The following PRKN variants were observed in gnomAD, a reference collection of about 807,000 sequenced individuals.
PRKN encodes E3 ubiquitin-protein ligase parkin.
PRKN carries 56 observed loss-of-function variants against 59.5 expected under a neutral mutation model. The observed-to-expected ratio is 0.94, with a 90% CI of 0.76 to 1.18. The LOEUF (loss-of-function observed/expected upper bound fraction) is 1.18. PRKN is among the 50% of genes most tolerant of loss of function. The probability of loss-of-function intolerance (pLI) is 0.00; values close to 1 mark genes in which losing one functional copy is unlikely to be tolerated. For missense variants in PRKN, 657 were observed against 596.4 expected (o/e 1.10, Z -1.06); for synonymous variants, 250 against 222.1 (o/e 1.13, Z -1.12).
In PRKN at chr6:161,579,547, T is replaced by G. The variant is rs116452126; in HGVS notation, c.872-10131A>C. 5.4e-3 allele frequency among the ~76,000 whole-genome samples: 827 copies of G among 152,292 alleles called. 5 individuals are homozygous for G. Among genetic ancestry groups the G allele is most frequent in the African/African-American group, 0.019 (781 of 41,556 alleles). On this transcript the variant is annotated intron_variant, in intron 7 of 11. Coordinates refer to ENST00000366898, the MANE Select transcript of PRKN (RefSeq NM_004562.3). The surrounding 1 kb of genome is among the most constrained non-coding windows in gnomAD (Gnocchi z 4.2). ...GTGTGCTCTGTAAACTGGCCTTCCT[T>G]GTAGGGCATGTTCCTGAATAGGGCA...
chr6:161,603,214 G>T (rs1782166530), intron 7 of PRKN, among the ~76,000 whole-genome samples: 1 of 152,164 alleles, frequency 6.6e-6, no homozygotes, highest in South Asian at 2.1e-4. Context: ...TCAGACAGAG[G>T]TGGCTCTAAA....
intron 4 of PRKN, among the ~76,000 whole-genome samples, chr6:162,172,125 G>C (rs1275429895): frequency 6.6e-6 from 1 of 152,210 alleles, no homozygotes; most frequent in African/African-American, 2.4e-5. Flanking sequence ...GTAAGTGATA[G>C]AACTGAGTGC....
intron 7 of PRKN, among the ~76,000 whole-genome samples, chr6:161,573,025 T>C (rs1780950857): frequency 6.6e-6 from 1 of 152,180 alleles, no homozygotes; most frequent in Non-Finnish European, 1.5e-5. Flanking sequence ...TAGTTTAGTT[T>C]CCTGAAATGA....
At chr6:162,228,545 G>T (rs1778285722) in intron 3 of PRKN, among the ~76,000 whole-genome samples, 1 of 152,054 alleles carries the variant, frequency 6.6e-6, no homozygotes, top group Non-Finnish European at 1.5e-5. Flanking sequence ...AGAAATTTAG[G>T]GGAAAAAGTT....
At chr6:161,366,594 T>C (rs1785208771) in intron 10 of PRKN, among the ~76,000 whole-genome samples, 1 of 152,188 alleles carries the variant, frequency 6.6e-6, no homozygotes, top group Non-Finnish European at 1.5e-5. Flanking sequence ...AAAACCCAAC[T>C]TAGGAGTGTG....
rs948916687 is a variant in PRKN, at chr6:161,973,503, G to A, written c.619-86C>T. On this transcript the variant is annotated intron_variant, in intron 5 of 11. Coordinates refer to ENST00000366898, the MANE Select transcript of PRKN (RefSeq NM_004562.3). ...TGTTTCCACAGTAAACAATCTCTTT[G>A]GACAAGAGAAGAAATCTGTTACGAG... 1.2e-5 allele frequency: 9 copies of A among 764,852 alleles called. No homozygotes were observed. In the East Asian group the frequency reaches 2.3e-4, roughly 20 times the overall value. The allele number at this position is 764,852 out of a possible 1,614,324, so 47.4% of individuals were successfully genotyped here.
intron 6 of PRKN, among the ~76,000 whole-genome samples, chr6:161,882,462 C>A (rs988615327): frequency 1.3e-5 from 2 of 152,096 alleles, no homozygotes; most frequent in Admixed American, 1.3e-4. Flanking sequence ...GGCCTTCCTG[C>A]AGGAAAGCAG....
intron 2 of PRKN, among the ~76,000 whole-genome samples, chr6:162,273,816 A>G (rs1031628914): frequency 6.6e-6 from 1 of 152,224 alleles, no homozygotes; most frequent in African/African-American, 2.4e-5. Context: ...TATCAACTTG[A>G]GTCCAACCTT....
At chr6:161,508,186 A>T (rs755724757) in intron 9 of PRKN, among the ~76,000 whole-genome samples, 2 of 152,206 alleles carry the variant, frequency 1.3e-5, no homozygotes, top group Non-Finnish European at 2.9e-5. Context: ...TGTTAATTCA[A>T]TAGCAAAAAA....
In PRKN at chr6:161,369,308, G is replaced by A. The variant is rs1171982400; in HGVS notation, c.1168-9103C>T. The stretch of plus-strand genomic sequence containing the variant: ...GACTCTGGAGATTGGGATTCAGTAG[G>A]TCTGTGGCGGGGTACAGAAATTAGA... On this transcript the variant is annotated intron_variant, in intron 10 of 11. Transcript: ENST00000366898. The surrounding 1 kb of genome is among the most constrained non-coding windows in gnomAD (Gnocchi z 5.8). Among the ~76,000 whole-genome samples, 1 of 152,172 alleles carries A rather than the reference G, an allele frequency of 6.6e-6. No homozygotes were observed. Among genetic ancestry groups the A allele is most frequent in the Non-Finnish European group, 1.5e-5 (1 of 68,036 alleles).
chr6:161,725,712 T>C (rs1787413784), intron 7 of PRKN, among the ~76,000 whole-genome samples: 1 of 152,178 alleles, frequency 6.6e-6, no homozygotes, highest in Non-Finnish European at 1.5e-5. Flanking sequence ...GGAAGATCAA[T>C]TAACTTTAAT....
Position 162,298,327 on chromosome 6 carries a change from C to T in PRKN, c.172-35562G>A, listed in dbSNP as rs1257847903. On this transcript the variant is annotated intron_variant, in intron 2 of 11. Coordinates refer to ENST00000366898, the MANE Select transcript of PRKN (RefSeq NM_004562.3). ...CTGCTAGGGCTCCAATTCTCATTAG[C>T]TCTGGGAACAGCATTTATTCCTCTT... 2.0e-5 allele frequency among the ~76,000 whole-genome samples: 3 copies of T among 152,096 alleles called. No homozygotes were observed. In the East Asian group the frequency reaches 5.8e-4, roughly 29 times the overall value.
intron 2 of PRKN, among the ~76,000 whole-genome samples, chr6:162,302,950 T>C (rs1433963530): frequency 1.5e-5 from 2 of 134,888 alleles, no homozygotes; most frequent in Non-Finnish European, 3.2e-5. Context: ...GTGAGTATTA[T>C]ATGCCTTAAA....
At chr6:162,309,944 T>C (rs772274474) in intron 2 of PRKN, among the ~76,000 whole-genome samples, 1 of 152,156 alleles carries the variant, frequency 6.6e-6, no homozygotes, top group Non-Finnish European at 1.5e-5. Flanking sequence ...CTCCCACTTA[T>C]ATGTAAGAAC....
intron 4 of PRKN, among the ~76,000 whole-genome samples, chr6:162,169,028 A>C (rs962985096): frequency 6.6e-5 from 10 of 152,194 alleles, no homozygotes; most frequent in Non-Finnish European, 1.5e-4. Context: ...CTAGTGAGAT[A>C]TGTAAGAGGA....
At chr6:161,380,710 AC>A (rs1785935883) in intron 10 of PRKN, among the ~76,000 whole-genome samples, 1 of 152,194 alleles carries the variant, frequency 6.6e-6, no homozygotes, top group Non-Finnish European at 1.5e-5. Context: ...GTGTAACACA[AC>A]GTTGCAGCCA....
chr6:161,647,400 A>G (rs10945764), intron 7 of PRKN, among the ~76,000 whole-genome samples: 109,980 of 152,130 alleles, frequency 0.72, 41,701 homozygotes, highest in African/African-American at 0.93. Context: ...AGTCAGGGCT[A>G]AGGTCTCTGA....
At chr6:161,481,626 C>A (rs544707918) in intron 9 of PRKN, among the ~76,000 whole-genome samples, 4 of 151,728 alleles carry the variant, frequency 2.6e-5, no homozygotes, top group Non-Finnish European at 4.4e-5. Context: ...ACAAAACAAA[C>A]AAACAAAAAA....
At chr6:162,349,147 T>A (rs934193819) in intron 2 of PRKN, among the ~76,000 whole-genome samples, 2 of 152,152 alleles carry the variant, frequency 1.3e-5, no homozygotes, top group Non-Finnish European at 2.9e-5. Flanking sequence ...ATTACATGAA[T>A]CTACACAAAC....
Sources: gnomAD v4.1 joint callset for allele counts (sites outside exome capture counted in the v4.1 genomes callset) on GRCh38, gnomAD v4.1.1 for gene constraint, Gnocchi (gnomAD v3.1) non-coding constraint, MANE v1.5 for transcripts, NCBI Gene and HGNC (gene_info 2026-07-23, HGNC 2026-07-21) for gene names.